The following GAS7 variants were observed in gnomAD, a reference collection of about 807,000 sequenced individuals.
GAS7 encodes growth arrest specific 7.
GAS7 carries 28 observed loss-of-function variants against 71.1 expected under a neutral mutation model. The ratio of observed to expected loss-of-function variants is 0.39; its 90% CI spans 0.29 to 0.54. The LOEUF is 0.54. Ranked by LOEUF, GAS7 falls within the 20% of genes least tolerant of loss-of-function variation. The pLI is 0.62. For missense variants in GAS7, 436 were observed against 627.8 expected, an observed-to-expected ratio of 0.69 and a Z score of 3.27; for synonymous variants, 258 against 245.8, an observed-to-expected ratio of 1.05 and a Z score of -0.46.
At chr17:10,185,610 A>G (rs1383832134) in intron 1 of GAS7, among the ~76,000 whole-genome samples, 1 of 152,186 alleles carries the variant, frequency 6.6e-6, no homozygotes, top group Non-Finnish European at 1.5e-5. Context: ...CCAAGCAGGG[A>G]GCAGTGGGAA....
intron 1 of GAS7, among the ~76,000 whole-genome samples, chr17:10,078,075 G>GT (rs1227147311): frequency 4.4e-5 from 5 of 114,510 alleles, no homozygotes; most frequent in African/African-American, 1.7e-4. Context: ...GTGTGTGTGT[G>GT]TGTGTTTTGT....
chr17:10,156,534 G>A (rs776716447), intron 1 of GAS7, among the ~76,000 whole-genome samples: 1 of 152,138 alleles, frequency 6.6e-6, no homozygotes, highest in Non-Finnish European at 1.5e-5. Flanking sequence ...CTTGCCTGTC[G>A]GGAGCTAGCT....
Position 9,946,954 on chromosome 17 carries a change from G to A in GAS7, c.555C>T (p.Asp185=). 6.2e-7 allele frequency: 1 copy of A among 1,612,944 alleles called. No individual in the cohort carries two copies. Among genetic ancestry groups the A allele is most frequent in the Non-Finnish European group, 8.5e-7 (1 of 1,178,938 alleles). ...TCAGCAGCTGCTGTTCCGGCATCGT[G>A]TCTGGGTGAGGGAACGTCACACAGT... ...TINCVTFPHP[D]TMPEQQLLKP... is the part of the protein sequence containing the mutation. Residue 185 remains aspartate (D), a synonymous_variant, in exon 6 of 14, where the codon GAC becomes GAT. Transcript: ENST00000432992.
chr17:10,034,133 A>T lies in GAS7; in HGVS notation c.184-14236T>A. 1 of 985,248 alleles carries T rather than the reference A, an allele frequency of 1.0e-6. No individual in the cohort carries two copies. The highest frequency in any genetic ancestry group is 1.2e-6 in the Non-Finnish European group (1 of 829,814). The allele number at this position is 985,248 out of a possible 1,614,324, so 61.0% of individuals were successfully genotyped here. A position where few individuals can be genotyped will look rare whatever the true frequency, so the allele number is the denominator to read the frequency against. ...TACCACTGCTCTGTGCCACCGTGCGAAGAACACAGGATGGGAATCGGAGCT... is the reference window on the plus strand; with the variant it reads ...TACCACTGCTCTGTGCCACCGTGCGTAGAACACAGGATGGGAATCGGAGCT... On this transcript the variant is annotated intron_variant, in intron 1 of 13. Transcript: ENST00000432992. The surrounding 1 kb of genome is among the most constrained non-coding windows in gnomAD (Gnocchi z 4.4).
chr17:10,091,678 G>A (rs1416309403), intron 1 of GAS7, among the ~76,000 whole-genome samples: 1 of 151,922 alleles, frequency 6.6e-6, no homozygotes, highest in East Asian at 1.9e-4. Context: ...GAGCCACCAC[G>A]CCCAGCTGGG....
chr17:10,062,823 C>G (rs1288225801), intron 1 of GAS7, among the ~76,000 whole-genome samples: 1 of 152,206 alleles, frequency 6.6e-6, no homozygotes, highest in Non-Finnish European at 1.5e-5. Flanking sequence ...TTAGCTGACA[C>G]TAATTCCTAA....
chr17:10,041,363 T>C (rs914786272), intron 1 of GAS7, among the ~76,000 whole-genome samples: 31 of 152,240 alleles, frequency 2.0e-4, no homozygotes, highest in Admixed American at 1.6e-3. Flanking sequence ...CGACACCACT[T>C]TGACATTGCA....
At chr17:10,043,286 G>C (rs2072899451) in intron 1 of GAS7, among the ~76,000 whole-genome samples, 1 of 152,050 alleles carries the variant, frequency 6.6e-6, no homozygotes, top group Non-Finnish European at 1.5e-5. Context: ...CCTCTAACCA[G>C]ACTAGTGCTC....
At chr17:9,966,212 A>T in intron 4 of GAS7, among the ~76,000 whole-genome samples, 1 of 151,538 alleles carries the variant, frequency 6.6e-6, no homozygotes, top group East Asian at 1.9e-4. Flanking sequence ...GTTAGCCAGG[A>T]TGGTCTCGAT....
At chr17:10,170,574 C>T (rs2074328803) in intron 1 of GAS7, among the ~76,000 whole-genome samples, 1 of 152,210 alleles carries the variant, frequency 6.6e-6, no homozygotes, top group Non-Finnish European at 1.5e-5. Context: ...CTCTGCCCAT[C>T]CCATTTAAAA....
At chr17:10,038,545 A>G (rs910026449) in intron 1 of GAS7, among the ~76,000 whole-genome samples, 1 of 152,188 alleles carries the variant, frequency 6.6e-6, no homozygotes, top group Non-Finnish European at 1.5e-5. Flanking sequence ...TAATAGGTAT[A>G]TACCAAAAAG....
intron 8 of GAS7, among the ~76,000 whole-genome samples, chr17:9,937,127 T>A (rs1315569266): frequency 6.6e-6 from 1 of 152,116 alleles, no homozygotes; most frequent in African/African-American, 2.4e-5. Flanking sequence ...GCTGCAGGAG[T>A]GTGTGCATGG....
At chr17:10,102,413 A>C (rs1051766620) in intron 1 of GAS7, among the ~76,000 whole-genome samples, 2 of 151,970 alleles carry the variant, frequency 1.3e-5, no homozygotes, top group African/African-American at 4.8e-5. Flanking sequence ...AGTTTCCAGC[A>C]TAGTAGTCTA....
At chr17:10,006,719 A>G (rs1278847144) in intron 2 of GAS7, among the ~76,000 whole-genome samples, 2 of 152,040 alleles carry the variant, frequency 1.3e-5, no homozygotes, top group South Asian at 2.1e-4. Context: ...GATCCAAACA[A>G]TTTTTGAGCT....
chr17:10,070,341 C>T (rs1476974530), intron 1 of GAS7, among the ~76,000 whole-genome samples: 5 of 106,134 alleles, frequency 4.7e-5, no homozygotes, highest in Admixed American at 1.2e-4. Flanking sequence ...TCTCTCTCTT[C>T]TTTTTTTTTT....
chr17:9,992,545 GGCCTCCTTCCCAAA>G (rs1364729007), intron 2 of GAS7, among the ~76,000 whole-genome samples: 3 of 149,694 alleles, frequency 2.0e-5, no homozygotes, highest in Non-Finnish European at 4.5e-5. Flanking sequence ...AGCAGGGCCT[GGCCTCCTTCCCAAA>G]GTCTTTTTTT....
rs2067726028 is a variant in GAS7 at position 9,919,730 on chromosome 17, C to A, written c.1139-25G>T. ...CCTGGAAAAAGACCACAGTCACCAT[C>A]ATGAAGCATCCTATCCTCACCATGA... On this transcript the variant is annotated intron_variant, in intron 11 of 13. Transcript: ENST00000432992. The surrounding 1 kb of genome is among the most constrained non-coding windows in gnomAD (Gnocchi z 5.0). The A allele has an allele frequency of 2.6e-6, 4 of 1,540,442 alleles. No homozygotes were observed. In the Admixed American group the frequency reaches 5.0e-5, roughly 19 times the overall value.
rs79304969 is a variant in GAS7, at chr17:10,170,456, C to T, written c.183+27752G>A. On this transcript the variant is annotated intron_variant, in intron 1 of 13. Coordinates refer to ENST00000432992, the MANE Select transcript of GAS7 (RefSeq NM_201433.2). ...ATGCTCTGGCCTCAGGGCCTTTGCA[C>T]ATGCTGTTCTGTTTTCTGGCTGGAA... 0.025 allele frequency among the ~76,000 whole-genome samples: 3,821 copies of T among 152,262 alleles called. 333 individuals carry two copies. In the East Asian group the frequency reaches 0.33, roughly 13 times the overall value.
At chr17:9,929,112 G>T (rs993923081) in intron 9 of GAS7, among the ~76,000 whole-genome samples, 1 of 152,118 alleles carries the variant, frequency 6.6e-6, no homozygotes, top group African/African-American at 2.4e-5. Context: ...CCTTTCCCAC[G>T]TATATAGGTT....
Sources: allele counts gnomAD v4.1 joint callset (sites outside exome capture counted in the v4.1 genomes callset), GRCh38; gene constraint gnomAD v4.1.1; non-coding constraint Gnocchi (gnomAD v3.1); transcripts MANE v1.5; gene names NCBI Gene and HGNC (gene_info 2026-07-23, HGNC 2026-07-21).